Variants in PPP6R2 observed in about 807,000 individuals in gnomAD.
PPP6R2 encodes serine/threonine-protein phosphatase 6 regulatory subunit 2.
Under a neutral mutation model 100.2 loss-of-function variants are expected in PPP6R2, and 62 were observed. The observed-to-expected ratio is 0.62, with a 90% CI of 0.50 to 0.76. The LOEUF (loss-of-function observed/expected upper bound fraction) is 0.76, where lower values mean the gene tolerates loss of function less well. PPP6R2 is among the 30% of genes least tolerant of loss of function. The pLI, the probability that PPP6R2 is intolerant of heterozygous loss-of-function variation, is 0.00. For missense variants in PPP6R2, 1,142 were observed against 1,276.3 expected (o/e 0.89, Z 1.60); for synonymous variants, 525 against 514.7 (o/e 1.02, Z -0.27).
chr22:50,390,611 G>GTGAGCCAAAT (rs2055271282), intron 2 of PPP6R2, among the ~76,000 whole-genome samples: 1 of 151,874 alleles, frequency 6.6e-6, no homozygotes, highest in African/African-American at 2.4e-5. Context: ...GTGAGCCAAA[G>GTGAGCCAAAT]TTGCACCATT....
At position 50,418,996 on chromosome 22, in the gene PPP6R2, C is replaced by A; in HGVS notation, c.731+17C>A. The stretch of plus-strand genomic sequence containing the variant: ...GCTGGAGTCGTGAGTGCTGGTGGGC[C>A]GTGGTGCTGGTGGGCCTCCCTTTCT... On this transcript the variant is annotated intron_variant, in intron 7 of 23. Coordinates refer to ENST00000612753, the MANE Select transcript of PPP6R2 (RefSeq NM_001242898.2). 1 of 1,594,252 alleles carries A rather than the reference C, an allele frequency of 6.3e-7. No individual in the cohort carries two copies. Among genetic ancestry groups the A allele is most frequent in the Non-Finnish European group, 8.6e-7 (1 of 1,162,152 alleles).
chr22:50,403,028 C>T (rs1302002151), intron 3 of PPP6R2, among the ~76,000 whole-genome samples: 1 of 152,128 alleles, frequency 6.6e-6, no homozygotes, highest in East Asian at 1.9e-4. Flanking sequence ...GCCTGGCCAT[C>T]ATGGTAAAAC....
intron 10 of PPP6R2, among the ~76,000 whole-genome samples, chr22:50,427,238 ACT>A (rs1316704681): frequency 6.7e-6 from 1 of 149,460 alleles, no homozygotes; most frequent in South Asian, 2.1e-4. Flanking sequence ...TTCTTTCTGG[ACT>A]CTCTGTTCTG....
intron 9 of PPP6R2, among the ~76,000 whole-genome samples, chr22:50,422,762 G>T (rs879707353): frequency 1.3e-5 from 2 of 152,122 alleles, no homozygotes; most frequent in Admixed American, 1.3e-4. Context: ...GGCTCCTCCT[G>T]GTTCAGACTG....
intron 2 of PPP6R2, among the ~76,000 whole-genome samples, chr22:50,377,669 A>G (rs1401466569): frequency 6.6e-6 from 1 of 152,158 alleles, no homozygotes; most frequent in African/African-American, 2.4e-5. Flanking sequence ...CAGATTTATT[A>G]TTAGAAAAGA....
At chr22:50,398,226 C>T (rs1015586830) in intron 3 of PPP6R2, among the ~76,000 whole-genome samples, 10 of 148,160 alleles carry the variant, frequency 6.7e-5, no homozygotes, top group African/African-American at 1.7e-4. Context: ...GGCTGGAGTA[C>T]GGTGGTGCGA....
At chr22:50,434,226 A>G (rs1232608413) in intron 12 of PPP6R2, among the ~76,000 whole-genome samples, 1 of 62,306 alleles carries the variant, frequency 1.6e-5, no homozygotes, top group African/African-American at 5.6e-5. Flanking sequence ...GGCTGGGGGC[A>G]TGGATGCTGG....
chr22:50,348,030 C>A (rs2044171819), intron 1 of PPP6R2, among the ~76,000 whole-genome samples: 1 of 152,140 alleles, frequency 6.6e-6, no homozygotes, highest in South Asian at 2.1e-4. Flanking sequence ...GGGACAGAGT[C>A]TCCCATGCTG....
intron 2 of PPP6R2, among the ~76,000 whole-genome samples, chr22:50,378,652 C>T (rs1222117636): frequency 4.0e-5 from 6 of 150,912 alleles, no homozygotes; most frequent in Non-Finnish European, 5.9e-5. Flanking sequence ...ACTTAATCCC[C>T]AATGCAATAG....
chr22:50,360,578 G>T (rs920697619), intron 1 of PPP6R2, among the ~76,000 whole-genome samples: 3 of 152,008 alleles, frequency 2.0e-5, no homozygotes, highest in African/African-American at 2.4e-5. Flanking sequence ...TGCTCAGGCT[G>T]GTCTTGAACT....
chr22:50,332,881 C>T, the PPP6R2 span, among the ~76,000 whole-genome samples: 7 of 152,302 alleles, frequency 4.6e-5, no homozygotes, highest in Non-Finnish European at 8.8e-5. Context: ...CTCTGCCTCC[C>T]CATGGGCTGG....
chr22:50,351,516 C>T (rs2148087010), intron 1 of PPP6R2, among the ~76,000 whole-genome samples: 1 of 151,790 alleles, frequency 6.6e-6, no homozygotes, highest in South Asian at 2.1e-4. Context: ...CAATAGAAGA[C>T]TGTTTCATCT....
chr22:50,384,547 T>C (rs1195110705), intron 2 of PPP6R2, among the ~76,000 whole-genome samples: 1 of 152,120 alleles, frequency 6.6e-6, no homozygotes, highest in African/African-American at 2.4e-5. Context: ...AGAGCGAGAC[T>C]CCGTCTCAAA....
chr22:50,384,917 G>C (rs537976071), intron 2 of PPP6R2, among the ~76,000 whole-genome samples: 1 of 152,016 alleles, frequency 6.6e-6, no homozygotes, highest in East Asian at 1.9e-4. Context: ...ATCTTGTTTT[G>C]TTTTGTTTTC....
At chr22:50,372,317 C>T (rs376684673) in intron 2 of PPP6R2, among the ~76,000 whole-genome samples, 167 bp downstream of exon 2, 6 of 152,026 alleles carry the variant, frequency 3.9e-5, no homozygotes, top group African/African-American at 4.8e-5. Flanking sequence ...TTTGGGAGGC[C>T]GAGGTGGGTG....
intron 14 of PPP6R2, 110 bp downstream of exon 14, chr22:50,436,562 G>T: frequency 9.5e-7 from 1 of 1,056,908 alleles, no homozygotes; most frequent in Non-Finnish European, 1.4e-6. Flanking sequence ...AGGGCCGCAC[G>T]CCTGCCTGCT....
chr22:50,343,252 G>A (rs1415422841), upstream of PPP6R2: 1 of 150,166 alleles, frequency 6.7e-6, no homozygotes, highest in African/African-American at 2.4e-5. Context: ...CCACCCGCGC[G>A]GCCCCGCCCC....
At chr22:50,386,445 G>A (rs1318543010) in intron 2 of PPP6R2, among the ~76,000 whole-genome samples, 1 of 152,112 alleles carries the variant, frequency 6.6e-6, no homozygotes, top group Non-Finnish European at 1.5e-5. Context: ...CCGGCCTTAA[G>A]TTTTAACATG....
intron 2 of PPP6R2, among the ~76,000 whole-genome samples, chr22:50,384,805 A>G (rs928464862): frequency 2.6e-5 from 4 of 152,130 alleles, no homozygotes; most frequent in Admixed American, 2.0e-4. Flanking sequence ...CAGGGGCACA[A>G]TCATGGCTCA....
Sources: allele counts gnomAD v4.1 joint callset (sites outside exome capture counted in the v4.1 genomes callset), GRCh38; gene constraint gnomAD v4.1.1; transcripts MANE v1.5; gene names NCBI Gene and HGNC (gene_info 2026-07-23, HGNC 2026-07-21).